Variants in PDE8B observed in about 807,000 individuals in gnomAD.
The protein encoded by PDE8B is phosphodiesterase 8B, also known as high affinity cAMP-specific and IBMX-insensitive 3',5'-cyclic phosphodiesterase 8B.
Under a neutral mutation model 101.3 loss-of-function variants are expected in PDE8B, and 26 were observed. The observed-to-expected ratio is 0.26, with a 90% CI of 0.19 to 0.36. The LOEUF (loss-of-function observed/expected upper bound fraction) is 0.36, where lower values mean the gene tolerates loss of function less well. Among genes scored for constraint, PDE8B ranks in the 10% least tolerant of loss-of-function variants. The pLI, the probability that PDE8B is intolerant of heterozygous loss-of-function variation, is 1.00. For synonymous variants in PDE8B, 424 were observed against 429.3 expected (o/e 0.99, Z 0.15); for missense variants, 810 against 1,163.1 (o/e 0.70, Z 4.42).
At chr5:77,280,722 C>T (rs1039694806) in intron 1 of PDE8B, among the ~76,000 whole-genome samples, 2 of 152,068 alleles carry the variant, frequency 1.3e-5, no homozygotes, top group Admixed American at 6.6e-5. Context: ...GGTGAAACCC[C>T]GTCTCTACTG....
intron 13 of PDE8B, among the ~76,000 whole-genome samples, chr5:77,408,570 C>CA (rs1179283297): frequency 6.6e-6 from 1 of 152,004 alleles, no homozygotes; most frequent in Non-Finnish European, 1.5e-5. Context: ...GTCGTGGAGA[C>CA]AAAATATCAT....
intron 17 of PDE8B, among the ~76,000 whole-genome samples, chr5:77,414,496 C>G (rs1327389871): frequency 6.6e-6 from 1 of 152,174 alleles, no homozygotes; most frequent in Non-Finnish European, 1.5e-5. Context: ...TCTCAGCTCA[C>G]TGCAAACTCC....
rs1255918486 is a variant in PDE8B, at chr5:77,426,603, C to A, written c.*49C>A. On this transcript the variant is annotated 3_prime_UTR_variant, in exon 22 of 22. Transcript: ENST00000264917. ...TTGACCGACAAAGGACACTGTGAAT[C>A]ACAGTAGCGTAAACGAGAGGCCTTC... 4.2e-6 allele frequency: 4 copies of A among 961,884 alleles called. No homozygotes were observed. Among genetic ancestry groups the A allele is most frequent in the South Asian group, 2.6e-5 (2 of 76,476 alleles). 59.6% of individuals were successfully genotyped at this position (961,884 alleles called of 1,614,324 possible).
chr5:77,267,724 A>T (rs1035785475), intron 1 of PDE8B, among the ~76,000 whole-genome samples: 171 of 152,158 alleles, frequency 1.1e-3, no homozygotes, highest in African/African-American at 4.0e-3. Flanking sequence ...AAGCCTCTTC[A>T]GTCATCATGT....
At chr5:77,408,810 T>G in intron 13 of PDE8B, 83 bp from the exon 14 acceptor site, 1 of 1,081,732 alleles carries the variant, frequency 9.2e-7, no homozygotes, top group Non-Finnish European at 1.4e-6. Flanking sequence ...CCCACTGATT[T>G]CTTTTGGATT....
At chr5:77,225,699 T>C (rs1359043200) in intron 1 of PDE8B, among the ~76,000 whole-genome samples, 2 of 152,192 alleles carry the variant, frequency 1.3e-5, no homozygotes, top group Non-Finnish European at 2.9e-5. Context: ...CGTGAGTGTA[T>C]ACTTATTCAT....
chr5:77,090,232 GA>G, the PDE8B span, among the ~76,000 whole-genome samples: 1 of 152,242 alleles, frequency 6.6e-6, no homozygotes, highest in Non-Finnish European at 1.5e-5. Flanking sequence ...CCAAAGAGAA[GA>G]TTTTTTTCTT....
At chr5:77,138,262 T>C in the PDE8B span, among the ~76,000 whole-genome samples, 1 of 152,046 alleles carries the variant, frequency 6.6e-6, no homozygotes, top group African/African-American at 2.4e-5. Flanking sequence ...ATGGATGGTT[T>C]CTTGTCCCCA....
intron 10 of PDE8B, among the ~76,000 whole-genome samples, chr5:77,357,563 T>TCCAAACCCAGCAGGTCCTGGATCATGGG (rs1782332510): frequency 6.6e-6 from 1 of 152,140 alleles, no homozygotes; most frequent in African/African-American, 2.4e-5. Context: ...GGAGCTTCTC[T>TCCAAACCCAGCAGGTCCTGGATCATGGG]CCAAACCCAG....
intron 5 of PDE8B, 117 bp downstream of exon 5, chr5:77,331,576 T>C: frequency 1.2e-6 from 1 of 851,264 alleles, no homozygotes; most frequent in East Asian, 2.4e-5. Flanking sequence ...GCCCCAGGAC[T>C]GTTGGGGAAA....
chr5:77,262,644 T>A (rs998355841), intron 1 of PDE8B, among the ~76,000 whole-genome samples: 1 of 152,240 alleles, frequency 6.6e-6, no homozygotes, highest in African/African-American at 2.4e-5. Flanking sequence ...GCACCTTGAT[T>A]ATCTTTCTTG....
chr5:77,171,320 G>C, the PDE8B span, among the ~76,000 whole-genome samples: 3 of 152,184 alleles, frequency 2.0e-5, no homozygotes, highest in Non-Finnish European at 4.4e-5. Context: ...AACTGAAATA[G>C]ATGGATGTCA....
chr5:77,395,266 G>A lies in PDE8B; in HGVS notation c.1168-4982G>A, dbSNP rs377440992. On this transcript the variant is annotated intron_variant, in intron 10 of 21. Transcript: ENST00000264917. ...CAAGTAGCTGGGACTACAGGCACCC[G>A]CCACCACACCCGGCTACTTTTTGTA... Among the ~76,000 whole-genome samples, 786 of 150,606 alleles carry A rather than the reference G, an allele frequency of 5.2e-3. 4 individuals are homozygous for A. The highest frequency in any genetic ancestry group is 0.018 in the African/African-American group (722 of 40,818).
chr5:77,113,525 AACGACTT>A, the PDE8B span: 2 of 152,278 alleles, frequency 1.3e-5, no homozygotes, highest in Admixed American at 6.5e-5. Flanking sequence ...AAGATGGATT[AACGACTT>A]AATGTAAGAC....
intron 10 of PDE8B, among the ~76,000 whole-genome samples, chr5:77,382,169 T>C (rs1412620585): frequency 1.3e-5 from 2 of 152,198 alleles, no homozygotes; most frequent in Non-Finnish European, 2.9e-5. Flanking sequence ...ACACATGTAC[T>C]CAGTACCTAC....
At chr5:77,339,680 T>C (rs1778858077) in intron 6 of PDE8B, among the ~76,000 whole-genome samples, 1 of 152,236 alleles carries the variant, frequency 6.6e-6, no homozygotes, top group South Asian at 2.1e-4. Flanking sequence ...ATAGTCTAAT[T>C]ATATAATACT....
intron 1 of PDE8B, among the ~76,000 whole-genome samples, chr5:77,280,417 A>G (rs997150558): frequency 2.6e-5 from 4 of 152,208 alleles, no homozygotes; most frequent in Non-Finnish European, 4.4e-5. Context: ...TGAAAAATAC[A>G]ATGAAAACAA....
intron 1 of PDE8B, among the ~76,000 whole-genome samples, chr5:77,277,471 C>T (rs1314126929): frequency 6.6e-6 from 1 of 152,186 alleles, no homozygotes; most frequent in Non-Finnish European, 1.5e-5. Flanking sequence ...GTGGCAACAT[C>T]AAACTGCAAA....
At chr5:77,287,444 A>G (rs1561472479) in intron 1 of PDE8B, among the ~76,000 whole-genome samples, 1 of 145,734 alleles carries the variant, frequency 6.9e-6, no homozygotes, top group Non-Finnish European at 1.5e-5. Context: ...TTTTCTTCAT[A>G]TTTTTTTTTC....
Sources: gnomAD v4.1 joint callset for allele counts (sites outside exome capture counted in the v4.1 genomes callset) on GRCh38, gnomAD v4.1.1 for gene constraint, MANE v1.5 for transcripts, NCBI Gene and HGNC (gene_info 2026-07-23, HGNC 2026-07-21) for gene names.